The following WWOX variants were observed in gnomAD, a reference collection of about 807,000 sequenced individuals.
WWOX encodes WW domain containing oxidoreductase.
WWOX carries 69 observed loss-of-function variants against 46.2 expected under a neutral mutation model. The observed-to-expected ratio is 1.49, with a 90% confidence interval of 1.23 to 1.82. The LOEUF is 1.82. Ranked by LOEUF, WWOX falls within the 40% of genes most tolerant of loss-of-function variation. The probability of loss-of-function intolerance (pLI) is 0.00; values close to 1 mark genes in which losing one functional copy is unlikely to be tolerated. For missense variants in WWOX, 919 were observed against 542.6 expected (o/e 1.69, Z -6.89); for synonymous variants, 359 against 202.6 (o/e 1.77, Z -6.56).
intron 8 of WWOX, among the ~76,000 whole-genome samples, chr16:78,505,429 G>A (rs1232864683): frequency 6.6e-6 from 1 of 152,186 alleles, no homozygotes; most frequent in Non-Finnish European, 1.5e-5. Context: ...AGAGACTGGA[G>A]AAAGCCAATC....
At chr16:78,365,153 G>A (rs1420152573) in intron 5 of WWOX, among the ~76,000 whole-genome samples, 1 of 152,170 alleles carries the variant, frequency 6.6e-6, no homozygotes, top group East Asian at 1.9e-4. Flanking sequence ...TGAAGATGCT[G>A]AGGTTGAGGG....
chr16:78,862,731 A>G (rs2737291), intron 8 of WWOX, among the ~76,000 whole-genome samples: 21,577 of 152,030 alleles, frequency 0.14, 1,932 homozygotes, highest in Non-Finnish European at 0.2. Flanking sequence ...TAGAGAGGCA[A>G]TTCTTTCTCA....
At chr16:79,154,682 G>A (rs964120973) in intron 8 of WWOX, among the ~76,000 whole-genome samples, 8 of 152,140 alleles carry the variant, frequency 5.3e-5, no homozygotes, top group Non-Finnish European at 1.2e-4. Context: ...AAACAACCAC[G>A]TTTGGTAAAC....
intron 8 of WWOX, among the ~76,000 whole-genome samples, chr16:79,000,916 C>G (rs1284307010): frequency 6.6e-6 from 1 of 152,148 alleles, no homozygotes; most frequent in African/African-American, 2.4e-5. Context: ...TTAATTAATA[C>G]TCATCTGCCC....
intron 8 of WWOX, among the ~76,000 whole-genome samples, chr16:78,716,362 G>A (rs747575927): frequency 6.6e-6 from 1 of 152,178 alleles, no homozygotes; most frequent in Non-Finnish European, 1.5e-5. Flanking sequence ...TCTGGGTTCC[G>A]CAACTGCAAA....
intron 8 of WWOX, among the ~76,000 whole-genome samples, chr16:78,952,339 A>G (rs1373460826): frequency 1.3e-5 from 2 of 151,166 alleles, no homozygotes; most frequent in African/African-American, 4.9e-5. Flanking sequence ...CTTGGCAGCA[A>G]TGCACTGAGC....
intron 5 of WWOX, among the ~76,000 whole-genome samples, chr16:78,352,952 A>AT (rs2081213914): frequency 1.3e-5 from 2 of 152,188 alleles, no homozygotes; most frequent in Non-Finnish European, 2.9e-5. Context: ...TTCTTTAATG[A>AT]TTTTTTAAAA....
At chr16:78,877,283 C>A (rs555003933) in intron 8 of WWOX, among the ~76,000 whole-genome samples, 372 of 150,996 alleles carry the variant, frequency 2.5e-3, no homozygotes, top group Non-Finnish European at 4.0e-3. Flanking sequence ...CTGCCTCCCC[C>A]CCTCTGACCC....
chr16:78,416,905 T>C (rs2082810107), intron 6 of WWOX, among the ~76,000 whole-genome samples: 1 of 152,206 alleles, frequency 6.6e-6, no homozygotes. Flanking sequence ...GTGAACTAAC[T>C]GGCCATGAGT....
chr16:79,050,863 C>A (rs192726960), intron 8 of WWOX, among the ~76,000 whole-genome samples: 146 of 152,236 alleles, frequency 9.6e-4, no homozygotes, highest in African/African-American at 3.4e-3. Flanking sequence ...TGAGCTTTAC[C>A]AGGTGAGCTG....
intron 5 of WWOX, among the ~76,000 whole-genome samples, chr16:78,352,998 A>G (rs1263714101): frequency 6.6e-6 from 1 of 152,214 alleles, no homozygotes; most frequent in Non-Finnish European, 1.5e-5. Context: ...CAGTCTTAGA[A>G]ATTAACTGGA....
intron 8 of WWOX, among the ~76,000 whole-genome samples, chr16:79,164,139 T>G (rs2050544848): frequency 6.6e-6 from 1 of 152,280 alleles, no homozygotes; most frequent in African/African-American, 2.4e-5. Context: ...ACAAAAACTT[T>G]AATACTGCTT....
chr16:78,849,573 CAAA>C (rs778723646), intron 8 of WWOX, among the ~76,000 whole-genome samples: 1,442 of 97,316 alleles, frequency 0.015, 29 homozygotes, highest in African/African-American at 0.057. Context: ...GAATCCCTCT[CAAA>C]AAAAAAAAAA....
chr16:78,368,991 C>G (rs1338001445), intron 5 of WWOX, among the ~76,000 whole-genome samples: 2 of 152,098 alleles, frequency 1.3e-5, no homozygotes, highest in Admixed American at 1.3e-4. Flanking sequence ...TCAGTCTCCC[C>G]ATCTCCCCTT....
chr16:79,071,678 T>G (rs1339218736), intron 8 of WWOX, among the ~76,000 whole-genome samples: 2 of 152,270 alleles, frequency 1.3e-5, no homozygotes, highest in Admixed American at 6.5e-5. Context: ...CTTGGCCTCC[T>G]GCCCCGCATT....
At chr16:78,772,405 G>A (rs1455202253) in intron 8 of WWOX, among the ~76,000 whole-genome samples, 4 of 152,144 alleles carry the variant, frequency 2.6e-5, no homozygotes, top group Non-Finnish European at 5.9e-5. Context: ...GTATTCCATG[G>A]TGTATATTCA....
intron 8 of WWOX, among the ~76,000 whole-genome samples, chr16:78,547,418 A>G (rs1254074610): frequency 6.6e-6 from 1 of 152,184 alleles, no homozygotes; most frequent in Non-Finnish European, 1.5e-5. Flanking sequence ...CCCAAATGCC[A>G]GGTTTCAATG....
intron 4 of WWOX, among the ~76,000 whole-genome samples, chr16:78,144,462 T>C (rs532566919): frequency 0.065 from 1,526 of 23,624 alleles, 300 homozygotes; most frequent in Non-Finnish European, 0.095. Context: ...TATATATATA[T>C]ACACACATAT....
rs1220702069 is a variant in WWOX, at chr16:78,725,344, CT to C, written c.1056+292612del. 2.2e-3 allele frequency among the ~76,000 whole-genome samples: 138 copies of C among 61,888 alleles called. No individual in the cohort carries two copies. In the South Asian group the frequency reaches 0.027, roughly 12 times the overall value. 40.6% of individuals were successfully genotyped at this position (61,888 alleles called of 152,430 possible). On this transcript the variant is annotated intron_variant, in intron 8 of 8. Transcript: ENST00000566780. Reference sequence around the variant, plus strand: ...TTCCTTTTTTCTTTTCTTTTCTTTTCTTTTTTTTTTTTTTTTTTTTGAGATG... The same window carrying C: ...TTCCTTTTTTCTTTTCTTTTCTTTTCTTTTTTTTTTTTTTTTTTTGAGATG...
Sources: gnomAD v4.1 joint callset for allele counts (sites outside exome capture counted in the v4.1 genomes callset) on GRCh38, gnomAD v4.1.1 for gene constraint, MANE v1.5 for transcripts, NCBI Gene and HGNC (gene_info 2026-07-23, HGNC 2026-07-21) for gene names.